EPHA6: variants seen among roughly 807,000 people sequenced by gnomAD.
EPHA6 encodes the protein ephrin type-A receptor 6.
In EPHA6, 50 loss-of-function variants were observed where a neutral mutation model predicts 112.0. The ratio of observed to expected loss-of-function variants is 0.45; its 90% CI spans 0.36 to 0.56. The LOEUF (loss-of-function observed/expected upper bound fraction) is 0.56, where lower values mean the gene tolerates loss of function less well. Ranked by LOEUF, EPHA6 falls within the 20% of genes least tolerant of loss-of-function variation. The pLI, the probability that EPHA6 is intolerant of heterozygous loss-of-function variation, is 0.00. For synonymous variants in EPHA6, 529 were observed against 490.7 expected, an observed-to-expected ratio of 1.08 and a Z score of -1.03; for missense variants, 1,280 against 1,417.4, an observed-to-expected ratio of 0.90 and a Z score of 1.56.
intron 3 of EPHA6, among the ~76,000 whole-genome samples, chr3:97,159,727 G>C (rs2108395927): frequency 6.6e-6 from 1 of 152,058 alleles, no homozygotes; most frequent in African/African-American, 2.4e-5. Context: ...TGAATTTCCT[G>C]AGCATAGACC....
At chr3:97,395,899 G>T (rs556424886) in intron 5 of EPHA6, among the ~76,000 whole-genome samples, 5 of 151,760 alleles carry the variant, frequency 3.3e-5, no homozygotes, top group African/African-American at 1.2e-4. Context: ...ATGAGGGAAG[G>T]TGGAAGAGTT....
chr3:97,748,974 T>C lies in EPHA6; in HGVS notation c.*273T>C, dbSNP rs192050823. 25 of 412,590 alleles carry C rather than the reference T, an allele frequency of 6.1e-5. No individual in the cohort carries two copies. In the Admixed American group the frequency reaches 7.0e-4, roughly 11 times the overall value. 25.6% of individuals were successfully genotyped at this position (412,590 alleles called of 1,614,324 possible). On this transcript the variant is annotated 3_prime_UTR_variant, in exon 18 of 18. Coordinates refer to ENST00000389672, the MANE Select transcript of EPHA6 (RefSeq NM_001080448.3). ...AACTCAGCATGGATGTGTAATTTTG[T>C]ATAAGCCGTATATGGGAAGTGTTCA...
At chr3:97,015,924 G>T (rs1377435007) in intron 3 of EPHA6, among the ~76,000 whole-genome samples, 1 of 151,948 alleles carries the variant, frequency 6.6e-6, no homozygotes, top group Admixed American at 6.6e-5. Flanking sequence ...AGGAAAATCA[G>T]TGTTTTTACA....
chr3:97,583,559 A>G (rs2093461026), intron 11 of EPHA6, among the ~76,000 whole-genome samples: 1 of 152,076 alleles, frequency 6.6e-6, no homozygotes, highest in Non-Finnish European at 1.5e-5. Context: ...AAAGAAAGAA[A>G]TACTTTGGTG....
intron 3 of EPHA6, among the ~76,000 whole-genome samples, chr3:97,149,899 A>G (rs1269001131): frequency 6.6e-6 from 1 of 150,474 alleles, no homozygotes; most frequent in Non-Finnish European, 1.5e-5. Context: ...TAAAAAACAG[A>G]TTTTGTCAGG....
intron 3 of EPHA6, among the ~76,000 whole-genome samples, chr3:97,004,097 A>G (rs1027634063): frequency 6.6e-5 from 10 of 152,142 alleles, no homozygotes; most frequent in Non-Finnish European, 1.2e-4. Flanking sequence ...TAGTGCTGCA[A>G]TAAACATATG....
chr3:97,597,391 A>T (rs1324718461), intron 12 of EPHA6, among the ~76,000 whole-genome samples: 1 of 152,206 alleles, frequency 6.6e-6, no homozygotes, highest in Non-Finnish European at 1.5e-5. Context: ...AATTATGAAC[A>T]CATGGGTATT....
chr3:97,130,346 T>C (rs1243579723), intron 3 of EPHA6, among the ~76,000 whole-genome samples: 1 of 150,814 alleles, frequency 6.6e-6, no homozygotes, highest in African/African-American at 2.4e-5. Flanking sequence ...ATTTCTCAAT[T>C]CTTCTACATA....
At chr3:97,418,417 A>G (rs995233775) in intron 6 of EPHA6, among the ~76,000 whole-genome samples, 2 of 152,076 alleles carry the variant, frequency 1.3e-5, no homozygotes, top group African/African-American at 4.8e-5. Flanking sequence ...TTACAGCTGC[A>G]TAGTATAAAG....
intron 5 of EPHA6, among the ~76,000 whole-genome samples, chr3:97,367,657 C>T (rs2084815242): frequency 6.6e-6 from 1 of 151,954 alleles, no homozygotes; most frequent in African/African-American, 2.4e-5. Flanking sequence ...TAACCTGCCC[C>T]TTTTATAAAC....
chr3:97,226,434 T>A lies in EPHA6; in HGVS notation c.1270+15T>A. 3.8e-6 allele frequency: 6 copies of A among 1,580,738 alleles called. No individual in the cohort carries two copies. The highest frequency in any genetic ancestry group is 5.1e-6 in the Non-Finnish European group (6 of 1,166,938). ...GGCATGTACCAGTAAGTCTATACAT[T>A]TTGGATTTGGAAATTCTGTTTCCAA... is the stretch of plus-strand genomic sequence containing the variant. On this transcript the variant is annotated intron_variant, in intron 4 of 17. Coordinates refer to ENST00000389672, the MANE Select transcript of EPHA6 (RefSeq NM_001080448.3).
chr3:97,245,154 C>A (rs1187923389), intron 5 of EPHA6, among the ~76,000 whole-genome samples: 1 of 151,996 alleles, frequency 6.6e-6, no homozygotes, highest in Non-Finnish European at 1.5e-5. Flanking sequence ...GCAGCCATAA[C>A]AAATAAGACA....
intron 6 of EPHA6, among the ~76,000 whole-genome samples, chr3:97,435,565 C>T (rs922743312): frequency 3.3e-5 from 5 of 152,144 alleles, no homozygotes; most frequent in African/African-American, 7.2e-5. Context: ...AATTATCCAA[C>T]TTTGAAAATG....
At chr3:96,993,167 G>C (rs1012197954) in intron 3 of EPHA6, among the ~76,000 whole-genome samples, 11 of 152,076 alleles carry the variant, frequency 7.2e-5, no homozygotes, top group African/African-American at 2.4e-4. Context: ...TATGAATCAG[G>C]ACACTAAATT....
chr3:96,867,506 A>G (rs959602480), intron 2 of EPHA6, among the ~76,000 whole-genome samples: 4 of 151,774 alleles, frequency 2.6e-5, no homozygotes, highest in African/African-American at 9.7e-5. Flanking sequence ...CATCATTTTC[A>G]TATTACAATA....
intron 6 of EPHA6, among the ~76,000 whole-genome samples, chr3:97,441,838 A>G (rs2090148263): frequency 6.6e-6 from 1 of 152,142 alleles, no homozygotes; most frequent in African/African-American, 2.4e-5. Flanking sequence ...TTTTAAGTTA[A>G]TTCTCTCGGA....
At chr3:96,846,140 G>C (rs1388836835) in intron 1 of EPHA6, among the ~76,000 whole-genome samples, 1 of 151,986 alleles carries the variant, frequency 6.6e-6, no homozygotes, top group African/African-American at 2.4e-5. Flanking sequence ...TCAAAGGCAA[G>C]TATTTTGTGA....
At chr3:96,956,789 C>T (rs1285257056) in intron 2 of EPHA6, among the ~76,000 whole-genome samples, 1 of 152,056 alleles carries the variant, frequency 6.6e-6, no homozygotes, top group African/African-American at 2.4e-5. Flanking sequence ...AATCCCAGGA[C>T]TTTGTGGGGC....
chr3:97,445,953 C>T (rs1335554923), intron 6 of EPHA6, among the ~76,000 whole-genome samples: 1 of 151,998 alleles, frequency 6.6e-6, no homozygotes, highest in African/African-American at 2.4e-5. Flanking sequence ...GCCAACATAC[C>T]CTATCTAAAC....
Sources: allele counts gnomAD v4.1 joint callset (sites outside exome capture counted in the v4.1 genomes callset), GRCh38; gene constraint gnomAD v4.1.1; transcripts MANE v1.5; gene names NCBI Gene and HGNC (gene_info 2026-07-23, HGNC 2026-07-21).